Variants in RASAL2 observed in about 807,000 individuals in gnomAD.
RASAL2 encodes the protein ras GTPase-activating protein nGAP.
A neutral mutation model predicts 128.9 loss-of-function variants in RASAL2; 58 were observed. The ratio of observed to expected loss-of-function variants is 0.45; its 90% CI spans 0.36 to 0.56. The LOEUF (loss-of-function observed/expected upper bound fraction) is 0.56, where lower values mean the gene tolerates loss of function less well. RASAL2 is among the 20% of genes least tolerant of loss of function. The pLI, the probability that RASAL2 is intolerant of heterozygous loss-of-function variation, is 0.00. For synonymous variants in RASAL2, 561 were observed against 580.8 expected (o/e 0.97, Z 0.49); for missense variants, 1,360 against 1,601.6 (o/e 0.85, Z 2.57).
chr1:178,457,764 A>G lies in RASAL2; in HGVS notation c.2472A>G (p.Gln824=). The part of the protein sequence containing the change: ...FRGKTLLLVQ[Q]ASSQSMTYSE... ...GGAAAACATTATTGCTGGTTCAGCA[A>G]GCCTCCTCTCAGAGCATGACTTATT... is the stretch of plus-strand genomic sequence containing the variant. Residue 824 remains glutamine (Q), a synonymous_variant, in exon 14 of 18, where the codon CAA becomes CAG. Transcript: ENST00000367649. 3 of 1,614,230 alleles carry G rather than the reference A, an allele frequency of 1.9e-6. No individual in the cohort carries two copies. Among genetic ancestry groups the G allele is most frequent in the East Asian group, 2.2e-5 (1 of 44,874 alleles).
chr1:178,188,019 C>T (rs1467978203), intron 1 of RASAL2, among the ~76,000 whole-genome samples: 1 of 152,128 alleles, frequency 6.6e-6, no homozygotes, highest in African/African-American at 2.4e-5. Context: ...TCAACAAAGT[C>T]TCTTCCTCTT....
intron 1 of RASAL2, among the ~76,000 whole-genome samples, chr1:178,150,338 C>T (rs571176773): frequency 2.0e-5 from 3 of 151,770 alleles, no homozygotes; most frequent in African/African-American, 4.8e-5. Flanking sequence ...GAGATTAGCC[C>T]TCACGCCTGG....
intron 17 of RASAL2, among the ~76,000 whole-genome samples, chr1:178,468,238 A>G (rs1340078192): frequency 6.6e-6 from 1 of 152,238 alleles, no homozygotes; most frequent in Non-Finnish European, 1.5e-5. Flanking sequence ...TAGTTTTGAT[A>G]GTGGCTGATC....
chr1:178,127,309 A>G (rs1659936393), intron 1 of RASAL2, among the ~76,000 whole-genome samples: 2 of 152,204 alleles, frequency 1.3e-5, no homozygotes, highest in African/African-American at 2.4e-5. Flanking sequence ...AGAGAAATAC[A>G]TAGCCTGTTA....
chr1:178,214,903 T>C (rs971112683), intron 1 of RASAL2, among the ~76,000 whole-genome samples: 6 of 152,186 alleles, frequency 3.9e-5, no homozygotes, highest in African/African-American at 1.4e-4. Flanking sequence ...CTAGTAAAGC[T>C]ATCTGGTCTC....
intron 1 of RASAL2, among the ~76,000 whole-genome samples, chr1:178,109,941 C>T (rs1659233396): frequency 6.6e-6 from 1 of 152,040 alleles, no homozygotes; most frequent in Non-Finnish European, 1.5e-5. Flanking sequence ...TTGCTTAAAC[C>T]CAGGAGTTCA....
intron 1 of RASAL2, among the ~76,000 whole-genome samples, chr1:178,168,641 G>A (rs1229477456): frequency 6.6e-6 from 1 of 152,044 alleles, no homozygotes; most frequent in Non-Finnish European, 1.5e-5. Context: ...AGCTCTGTAG[G>A]CTAGTTGAAA....
intron 1 of RASAL2, among the ~76,000 whole-genome samples, chr1:178,112,378 C>T (rs1442265493): frequency 1.3e-5 from 2 of 151,828 alleles, no homozygotes; most frequent in East Asian, 2.0e-4. Flanking sequence ...GGTGAAACCC[C>T]GTCTCTACTA....
At chr1:178,191,946 A>G (rs1171588802) in intron 1 of RASAL2, among the ~76,000 whole-genome samples, 4 of 152,188 alleles carry the variant, frequency 2.6e-5, no homozygotes, top group Non-Finnish European at 4.4e-5. Context: ...CTCAGTCTCA[A>G]AAGACTTATG....
rs1648574691 is a variant in RASAL2 at position 178,475,020 on chromosome 1, A to G, written c.*1781A>G. ...TAGTGCCCTCTTTTGAGTGATGCCG[A>G]CAGACACCAAGCCCTCCTTTTCACC... is the stretch of plus-strand genomic sequence containing the variant. On this transcript the variant is annotated 3_prime_UTR_variant, in exon 18 of 18. Transcript: ENST00000367649. The G allele has an allele frequency of 6.6e-6, 1 of 152,184 alleles. No homozygotes were observed. Among genetic ancestry groups the G allele is most frequent in the African/African-American group, 2.4e-5 (1 of 41,450 alleles). The allele number at this position is 152,184 out of a possible 1,614,324, so 9.4% of individuals were successfully genotyped here. A position where few individuals can be genotyped will look rare whatever the true frequency, so the allele number is the denominator to read the frequency against.
chr1:178,307,022 GAA>G (rs199616205), intron 3 of RASAL2, among the ~76,000 whole-genome samples: 69 of 136,594 alleles, frequency 5.1e-4, no homozygotes, highest in African/African-American at 1.6e-3. Context: ...AATAATAAAA[GAA>G]AAAAAAAAAG....
Position 178,209,514 on chromosome 1 carries a change from C to T in RASAL2, c.203-74050C>T, listed in dbSNP as rs148474042. Reference sequence around the variant, plus strand: ...CTTTTTCCATTCCTATATAGGTGACCTTTATATTCACCTCTCTTTTGAAGT... The same window carrying T: ...CTTTTTCCATTCCTATATAGGTGACTTTTATATTCACCTCTCTTTTGAAGT... On this transcript the variant is annotated intron_variant, in intron 1 of 17. Coordinates refer to ENST00000367649, the MANE Select transcript of RASAL2 (RefSeq NM_170692.4). Among the ~76,000 whole-genome samples, 153 of 152,092 alleles carry T rather than the reference C, an allele frequency of 1.0e-3. 1 individual carries two copies. Among genetic ancestry groups the T allele is most frequent in the African/African-American group, 3.6e-3 (150 of 41,490 alleles).
chr1:178,223,215 T>C (rs1663670238), intron 1 of RASAL2, among the ~76,000 whole-genome samples: 1 of 152,206 alleles, frequency 6.6e-6, no homozygotes, highest in African/African-American at 2.4e-5. Flanking sequence ...ATGGATGTTA[T>C]AGCCTAGTGG....
chr1:178,213,487 T>C (rs1663324259), intron 1 of RASAL2, among the ~76,000 whole-genome samples: 1 of 152,116 alleles, frequency 6.6e-6, no homozygotes. Flanking sequence ...AAAAACTGGA[T>C]ACGATCAAAT....
chr1:178,130,972 T>C (rs1480216372), intron 1 of RASAL2, among the ~76,000 whole-genome samples: 3 of 150,890 alleles, frequency 2.0e-5, no homozygotes, highest in Non-Finnish European at 4.4e-5. Context: ...GAGAATGGCG[T>C]GAACCCGGGA....
chr1:178,257,899 T>A (rs1665456925), intron 1 of RASAL2, among the ~76,000 whole-genome samples: 1 of 150,116 alleles, frequency 6.7e-6, no homozygotes, highest in African/African-American at 2.4e-5. Flanking sequence ...GACCTTGGAT[T>A]GGCAAAGTAT....
At chr1:178,115,087 A>G (rs887333269) in intron 1 of RASAL2, among the ~76,000 whole-genome samples, 1 of 150,300 alleles carries the variant, frequency 6.7e-6, no homozygotes, top group South Asian at 2.1e-4. Flanking sequence ...TATATTTGGT[A>G]CAGTTTATCA....
intron 3 of RASAL2, among the ~76,000 whole-genome samples, chr1:178,361,858 G>C (rs1324947216): frequency 6.6e-6 from 1 of 152,044 alleles, no homozygotes; most frequent in Admixed American, 6.6e-5. Context: ...CCTGCAACTA[G>C]ATGGTCTCAT....
At chr1:178,315,508 T>A (rs71628276) in intron 3 of RASAL2, among the ~76,000 whole-genome samples, 103 of 142,796 alleles carry the variant, frequency 7.2e-4, no homozygotes, top group Middle Eastern at 7.1e-3. Context: ...GGTATCTCAT[T>A]GTGGTTTTGA....
Sources: allele counts gnomAD v4.1 joint callset (sites outside exome capture counted in the v4.1 genomes callset), GRCh38; gene constraint gnomAD v4.1.1; transcripts MANE v1.5; gene names NCBI Gene and HGNC (gene_info 2026-07-23, HGNC 2026-07-21).